The following BMPR1B variants were observed in gnomAD, a reference collection of about 807,000 sequenced individuals.
BMPR1B encodes the protein bone morphogenetic protein receptor type 1B, also known as bone morphogenetic protein receptor type-1B.
A neutral mutation model predicts 59.1 loss-of-function variants in BMPR1B; 12 were observed. The observed-to-expected ratio is 0.20, with a 90% CI of 0.13 to 0.33. BMPR1B has a LOEUF of 0.33. BMPR1B is among the 10% of genes least tolerant of loss of function. The probability of loss-of-function intolerance (pLI) is 1.00; values close to 1 mark genes in which losing one functional copy is unlikely to be tolerated. For synonymous variants in BMPR1B, 237 were observed against 207.3 expected (o/e 1.14, Z -1.23); for missense variants, 550 against 610.9 (o/e 0.90, Z 1.05).
At chr4:95,071,680 A>G (rs1366753697) in intron 3 of BMPR1B, among the ~76,000 whole-genome samples, 2 of 144,636 alleles carry the variant, frequency 1.4e-5, no homozygotes, top group Non-Finnish European at 3.0e-5. Flanking sequence ...ATATATATAT[A>G]TGAACTCTAT....
At position 95,051,690 on chromosome 4, in the gene BMPR1B, T is replaced by C; in HGVS notation, c.-17-52718T>C. 4.6e-6 allele frequency: 7 copies of C among 1,535,536 alleles called. No homozygotes were observed. In the South Asian group the frequency reaches 5.9e-5, roughly 13 times the overall value. ...AACAGGCAGGGCACATTGACTGCTC[T>C]GCTGCTGCAATGGGTTGGCTGGAAG... On this transcript the variant is annotated intron_variant, in intron 3 of 12. Coordinates refer to ENST00000515059, the MANE Select transcript of BMPR1B (RefSeq NM_001203.3).
intron 3 of BMPR1B, among the ~76,000 whole-genome samples, chr4:95,096,582 A>G (rs527919427): frequency 2.0e-5 from 3 of 150,868 alleles, no homozygotes; most frequent in African/African-American, 7.3e-5. Flanking sequence ...GTTTATTTGC[A>G]CGCCAAAAAT....
chr4:94,987,460 A>T (rs557729806), intron 2 of BMPR1B, among the ~76,000 whole-genome samples: 22 of 152,056 alleles, frequency 1.4e-4, no homozygotes, highest in African/African-American at 5.3e-4. Context: ...AGCTACTGCC[A>T]TATAATTAAT....
At chr4:94,837,359 C>T (rs1724866357) in intron 1 of BMPR1B, among the ~76,000 whole-genome samples, 1 of 146,370 alleles carries the variant, frequency 6.8e-6, no homozygotes, top group Non-Finnish European at 1.5e-5. Context: ...GCAGTATGGC[C>T]ATTTTCACGA....
intron 1 of BMPR1B, among the ~76,000 whole-genome samples, chr4:94,856,179 G>A (rs749584575): frequency 1.3e-5 from 2 of 152,150 alleles, no homozygotes; most frequent in African/African-American, 2.4e-5. Flanking sequence ...GGTAGTTTTT[G>A]TTGTTGTTGT....
intron 3 of BMPR1B, among the ~76,000 whole-genome samples, chr4:95,078,850 T>C (rs3857226): frequency 0.47 from 70,708 of 152,040 alleles, 17,155 homozygotes; most frequent in East Asian, 0.69. Flanking sequence ...CTCAACCTCC[T>C]GGGCTCCAGC....
intron 2 of BMPR1B, among the ~76,000 whole-genome samples, chr4:94,908,052 C>T (rs1197850518): frequency 3.6e-5 from 3 of 84,410 alleles, no homozygotes; most frequent in African/African-American, 5.0e-5. Context: ...TGCAGTGAGA[C>T]CCTGTCTTTA....
rs529282379 is a variant in BMPR1B at position 94,854,412 on chromosome 4, A to C, written c.-182-21419A>C. ...ACAGCATATTTACAAATGAAGGCTG[A>C]AAAAGTTTTGTTGTATCAGTGACTC... On this transcript the variant is annotated intron_variant, in intron 1 of 12. Transcript: ENST00000515059. Among the ~76,000 whole-genome samples, 12 of 152,308 alleles carry C rather than the reference A, an allele frequency of 7.9e-5. No homozygotes were observed. The South Asian group carries it at 2.5e-3, about 32-fold the overall frequency.
At chr4:94,805,949 A>T (rs1723590280) in intron 1 of BMPR1B, among the ~76,000 whole-genome samples, 1 of 152,150 alleles carries the variant, frequency 6.6e-6, no homozygotes, top group Non-Finnish European at 1.5e-5. Context: ...ACAGGAGAAG[A>T]TTTTCCATGC....
At chr4:94,797,926 A>G (rs1723257845) in intron 1 of BMPR1B, among the ~76,000 whole-genome samples, 1 of 152,240 alleles carries the variant, frequency 6.6e-6, no homozygotes. Context: ...TGTTTGCCAT[A>G]GTAGTTAGTG....
At chr4:94,845,137 C>G (rs1578711969) in intron 1 of BMPR1B, among the ~76,000 whole-genome samples, 2 of 151,736 alleles carry the variant, frequency 1.3e-5, no homozygotes, top group Non-Finnish European at 2.9e-5. Context: ...ATAAATATAT[C>G]ATAGATGAAA....
At position 95,152,779 on chromosome 4, in the gene BMPR1B, G is replaced by C. The variant is rs748095081; in HGVS notation, c.1383+6G>C. Reference sequence around the variant, plus strand: ...ACCGGTGGAGCAGTGATGAGGTAAGGCTTGAGGTAACCATGTGGCTGTGAC... The same window carrying C: ...ACCGGTGGAGCAGTGATGAGGTAAGCCTTGAGGTAACCATGTGGCTGTGAC... On this transcript the variant is annotated splice_donor_region_variant and intron_variant, in intron 12 of 12. Coordinates refer to ENST00000515059, the MANE Select transcript of BMPR1B (RefSeq NM_001203.3). 2 of 1,611,944 alleles carry C rather than the reference G, an allele frequency of 1.2e-6. No homozygotes were observed. The highest frequency in any genetic ancestry group is 8.5e-7 in the Non-Finnish European group (1 of 1,179,062).
At chr4:95,101,175 G>A (rs1408095384) in intron 3 of BMPR1B, among the ~76,000 whole-genome samples, 1 of 152,106 alleles carries the variant, frequency 6.6e-6, no homozygotes. Context: ...AAGAAGGCGC[G>A]TACCAGGCTG....
intron 3 of BMPR1B, among the ~76,000 whole-genome samples, chr4:95,050,749 C>A (rs1242488044): frequency 6.6e-6 from 1 of 152,044 alleles, no homozygotes; most frequent in South Asian, 2.1e-4. Context: ...TTAATAATGA[C>A]GTCTTTTTGT....
chr4:94,932,683 A>C (rs991039919), intron 2 of BMPR1B, among the ~76,000 whole-genome samples: 2 of 152,258 alleles, frequency 1.3e-5, no homozygotes, highest in Middle Eastern at 3.4e-3. Context: ...GCCATAAAAA[A>C]ATTGGCATTT....
At chr4:94,822,562 C>T (rs148219419) in intron 1 of BMPR1B, among the ~76,000 whole-genome samples, 7 of 152,160 alleles carry the variant, frequency 4.6e-5, no homozygotes, top group African/African-American at 1.7e-4. Flanking sequence ...AGATGGATGG[C>T]CAACTCCCTT....
chr4:94,804,795 C>T (rs1055245557), intron 1 of BMPR1B, among the ~76,000 whole-genome samples: 4 of 152,062 alleles, frequency 2.6e-5, no homozygotes, highest in South Asian at 4.1e-4. Context: ...CCTAAGCAGT[C>T]GGCCTTTTGT....
At chr4:94,906,647 A>C (rs147762786) in intron 2 of BMPR1B, among the ~76,000 whole-genome samples, 1 of 152,182 alleles carries the variant, frequency 6.6e-6, no homozygotes, top group African/African-American at 2.4e-5. Context: ...CCCAGACCTT[A>C]AAGTATAATA....
chr4:94,808,359 A>G (rs938437641), intron 1 of BMPR1B, among the ~76,000 whole-genome samples: 3 of 152,196 alleles, frequency 2.0e-5, no homozygotes, highest in African/African-American at 7.2e-5. Context: ...GGTCATAATT[A>G]TTATATTACT....
Sources: gnomAD v4.1 joint callset for allele counts (sites outside exome capture counted in the v4.1 genomes callset) on GRCh38, gnomAD v4.1.1 for gene constraint, MANE v1.5 for transcripts, NCBI Gene and HGNC (gene_info 2026-07-23, HGNC 2026-07-21) for gene names.